Variants in NPR1 observed in about 807,000 individuals in gnomAD.
NPR1 encodes the protein natriuretic peptide receptor 1.
NPR1 carries 57 observed loss-of-function variants against 116.9 expected under a neutral mutation model. The ratio of observed to expected loss-of-function variants is 0.49; its 90% CI spans 0.39 to 0.61. NPR1 has a LOEUF of 0.61. Among genes scored for constraint, NPR1 ranks in the 20% least tolerant of loss-of-function variants. The pLI is 0.00. For missense variants in NPR1, 1,096 were observed against 1,409.8 expected (o/e 0.78, Z 3.56); for synonymous variants, 555 against 601.6 (o/e 0.92, Z 1.13).
intron 20 of NPR1, among the ~76,000 whole-genome samples, chr1:153,692,100 G>A (rs1670124496): frequency 6.6e-6 from 1 of 152,006 alleles, no homozygotes; most frequent in African/African-American, 2.4e-5. Flanking sequence ...CACAAAATGA[G>A]GGTATAGCAT....
chr1:153,689,139 C>A lies in NPR1; in HGVS notation c.2564+40C>A. On this transcript the variant is annotated intron_variant, in intron 16 of 21. Transcript: ENST00000368680. This position sits in a 1 kb window ranked among gnomAD's most constrained non-coding sequence, Gnocchi z 5.1. The stretch of plus-strand genomic sequence containing the variant: ...CTGGGGACCCCCCCCAACACAAAGC[C>A]CCTGTCCCGACCCCCAACTCTGATC... 1 of 1,614,168 alleles carries A rather than the reference C, an allele frequency of 6.2e-7. No homozygotes were observed.
At chr1:153,684,041 G>A (rs2101732108) in intron 7 of NPR1, among the ~76,000 whole-genome samples, 2 of 152,282 alleles carry the variant, frequency 1.3e-5, no homozygotes, top group South Asian at 4.1e-4. Flanking sequence ...AATGGCCAAG[G>A]AGAGTCAGAA....
At position 153,685,492 on chromosome 1, in the gene NPR1, C is replaced by T. The variant is rs549832146; in HGVS notation, c.1606-314C>T. On this transcript the variant is annotated intron_variant, in intron 8 of 21. Coordinates refer to ENST00000368680, the MANE Select transcript of NPR1 (RefSeq NM_000906.4). Reference sequence around the variant, plus strand: ...CAGCCTGGGCAACAGAGCAAGACATCGTCTCTACAAAGAATACAAAGATTA... The same window carrying T: ...CAGCCTGGGCAACAGAGCAAGACATTGTCTCTACAAAGAATACAAAGATTA... Among the ~76,000 whole-genome samples the T allele has an allele frequency of 6.6e-5, 10 of 152,062 alleles. 1 individual carries two copies. The East Asian group carries it at 1.9e-3, about 29-fold the overall frequency.
rs1440853892 is a variant in NPR1 at position 153,687,219 on chromosome 1, A to G, written c.1955A>G (p.Asn652Ser). The change falls in exon 13 of 22, where the codon AAT (asparagine) becomes AGT (serine). Residue 652 changes from asparagine to serine, a missense_variant. Physicochemically the swap from Asn to Ser is conservative, Grantham distance 46 (BLOSUM62 1). Transcript: ENST00000368680. ...TTCCAGGGCATGCTGTTTCTACACA[A>G]TGGGGCTATCTGTTCCCATGGGAAC... ...DIVKGMLFLH[N>S]GAICSHGNLK... 6.2e-7 allele frequency: 1 copy of G among 1,613,996 alleles called. No homozygotes were observed. Among genetic ancestry groups the G allele is most frequent in the Non-Finnish European group, 8.5e-7 (1 of 1,179,992 alleles).
chr1:153,684,472 A>G (rs1052120722), intron 7 of NPR1, among the ~76,000 whole-genome samples: 1 of 143,874 alleles, frequency 7.0e-6, no homozygotes, highest in African/African-American at 2.6e-5. Context: ...GCTCACTGCA[A>G]CCTCCGCCTC....
intron 1 of NPR1, 76 bp from the exon 2 acceptor site, chr1:153,680,425 G>C: frequency 7.2e-7 from 1 of 1,385,748 alleles, no homozygotes; most frequent in Non-Finnish European, 1.0e-6. Flanking sequence ...TTCCTCCCTT[G>C]GGTGCCCCAG....
Position 153,689,192 on chromosome 1 carries a change from G to A in NPR1, c.2569G>A (p.Val857Met). 1 of 1,614,200 alleles carries A rather than the reference G, an allele frequency of 6.2e-7. No homozygotes were observed. Among genetic ancestry groups the A allele is most frequent in the Non-Finnish European group, 8.5e-7 (1 of 1,180,032 alleles). The change falls in exon 17 of 22, where the codon GTG becomes ATG. Residue 857 changes from valine (V) to methionine (M), a missense_variant. Coordinates refer to ENST00000368680, the MANE Select transcript of NPR1 (RefSeq NM_000906.4). This position sits in a 1 kb window ranked among gnomAD's most constrained non-coding sequence, Gnocchi z 5.1. Reference sequence around the variant, plus strand: ...GCACCTGCCCTGACCCCTTAGCTCAGTGGCTGAGCAGCTGAAGCGTGGGGA... The same window carrying A: ...GCACCTGCCCTGACCCCTTAGCTCAATGGCTGAGCAGCTGAAGCGTGGGGA... The part of the protein sequence containing the change: ...ALLYQILPHS[V>M]AEQLKRGETV...
intron 20 of NPR1, among the ~76,000 whole-genome samples, chr1:153,690,942 CAAAAAAAAAAAAA>C (rs57820357): frequency 2.9e-4 from 15 of 51,318 alleles, no homozygotes; most frequent in Non-Finnish European, 4.3e-4. Context: ...AACTCTGTCT[CAAAAAAAAAAAAA>C]AAAAAAAAAA....
In NPR1 at chr1:153,689,802, A is replaced by C; in HGVS notation, c.2758-4A>C. On this transcript the variant is annotated splice_region_variant and splice_polypyrimidine_tract_variant and intron_variant, in intron 18 of 21. Coordinates refer to ENST00000368680, the MANE Select transcript of NPR1 (RefSeq NM_000906.4). The surrounding 1 kb of genome is among the most constrained non-coding windows in gnomAD (Gnocchi z 5.1). ...AGTCCTGCACCCCCTCGCCACTCCC[A>C]CAGGTGGAGACAATTGGCGATGCCT... The C allele has an allele frequency of 6.5e-7, 1 of 1,546,018 alleles. No homozygotes were observed. Among genetic ancestry groups the C allele is most frequent in the Admixed American group, 1.9e-5 (1 of 52,854 alleles).
rs144129502 is a variant in NPR1 at position 153,680,126 on chromosome 1, T to C, written c.721+297T>C. Among the ~76,000 whole-genome samples, 1,152 of 150,424 alleles carry C rather than the reference T, an allele frequency of 7.7e-3. 19 individuals are homozygous for C. The highest frequency in any genetic ancestry group is 0.027 in the African/African-American group (1,090 of 40,950). Reference sequence around the variant, plus strand: ...CCTCCCACATTTTCTCTCTTCCCTATAGCCTTCTCCCTTCTTTCATCCTCT... The same window carrying C: ...CCTCCCACATTTTCTCTCTTCCCTACAGCCTTCTCCCTTCTTTCATCCTCT... On this transcript the variant is annotated intron_variant, in intron 1 of 21. Coordinates refer to ENST00000368680, the MANE Select transcript of NPR1 (RefSeq NM_000906.4).
chr1:153,691,812 T>A (rs1320616505), intron 20 of NPR1, among the ~76,000 whole-genome samples: 1 of 149,940 alleles, frequency 6.7e-6, no homozygotes, highest in East Asian at 2.0e-4. Flanking sequence ...GACATGAAAA[T>A]CACTTGAACC....
intron 20 of NPR1, among the ~76,000 whole-genome samples, chr1:153,691,424 G>A (rs1466666747): frequency 6.6e-6 from 1 of 152,198 alleles, no homozygotes; most frequent in Non-Finnish European, 1.5e-5. Flanking sequence ...CAGATCCAGA[G>A]TTAGCTGAGA....
intron 2 of NPR1, 192 bp downstream of exon 2, chr1:153,680,892 G>A: frequency 3.2e-6 from 2 of 629,314 alleles, no homozygotes; most frequent in Non-Finnish European, 5.5e-6. Context: ...ATGAAGGGCA[G>A]GGGACTGCCC....
rs770869243 is a variant in NPR1, at chr1:153,688,148, C to T, written c.2344C>T (p.Arg782Trp). 5.1e-5 allele frequency: 83 copies of T among 1,613,762 alleles called. No homozygotes were observed. Among genetic ancestry groups the T allele is most frequent in the Non-Finnish European group, 6.4e-5 (76 of 1,179,866 alleles). Residue 782 changes from arginine to tryptophan, a missense_variant, in exon 15 of 22, where the codon CGG becomes TGG. Arg to Trp is a moderately radical substitution (Grantham distance 101). Coordinates refer to ENST00000368680, the MANE Select transcript of NPR1 (RefSeq NM_000906.4). ...HLEELGLLMQ[R>W]CWAEDPQERP... ...GGAGGAGTTGGGGCTGCTCATGCAG[C>T]GGTGCTGGGCTGAGGACCCACAGGA...
At position 153,689,512 on chromosome 1, in the gene NPR1, T is replaced by C; in HGVS notation, c.2748T>C (p.Asp916=). ...TCFDAVIDNF[D]VYKVETIGDA... is the part of the protein sequence containing the mutation. ...TTGATGCTGTCATAGACAACTTTGA[T>C]GTGTACAAGGTGAGGGTGGGAGTGG... Residue 916 remains aspartate, a synonymous_variant, in exon 18 of 22, where the codon GAT becomes GAC. Coordinates refer to ENST00000368680, the MANE Select transcript of NPR1 (RefSeq NM_000906.4). This position sits in a 1 kb window ranked among gnomAD's most constrained non-coding sequence, Gnocchi z 5.1. 6.2e-7 allele frequency: 1 copy of C among 1,613,876 alleles called. No homozygotes were observed.
rs1480022373 is a variant in NPR1, at chr1:153,679,943, G to A, written c.721+114G>A. On this transcript the variant is annotated intron_variant, in intron 1 of 21. Coordinates refer to ENST00000368680, the MANE Select transcript of NPR1 (RefSeq NM_000906.4). This position sits in a 1 kb window ranked among gnomAD's most constrained non-coding sequence, Gnocchi z 4.2. ...GGGGGCACTCTTCTTTCTCCTCGCC[G>A]TTCTTCATTCTACTTTCAGCTCCCT... 1.4e-6 allele frequency: 2 copies of A among 1,379,466 alleles called. No individual in the cohort carries two copies. Among genetic ancestry groups the A allele is most frequent in the Non-Finnish European group, 1.9e-6 (2 of 1,034,560 alleles). 85.5% of individuals were successfully genotyped at this position (1,379,466 alleles called of 1,614,324 possible). A position where few individuals can be genotyped will look rare whatever the true frequency, so the allele number is the denominator to read the frequency against.
At chr1:153,688,679 C>T in intron 15 of NPR1, 1 of 509,638 alleles carries the variant, frequency 2.0e-6, no homozygotes, top group Non-Finnish European at 3.5e-6. Flanking sequence ...TCATTCTCCA[C>T]CTCCTTTACC....
chr1:153,691,936 A>G (rs1449947804), intron 20 of NPR1, among the ~76,000 whole-genome samples: 1 of 151,994 alleles, frequency 6.6e-6, no homozygotes, highest in Non-Finnish European at 1.5e-5. Flanking sequence ...AAACTGTTAA[A>G]CACAACAAGG....
rs149818779 is a variant in NPR1, at chr1:153,693,137, G to A, written c.3063G>A (p.Lys1021=). The change falls in exon 21 of 22, where the codon AAG becomes AAA. Residue 1021 remains lysine, a synonymous_variant. Coordinates refer to ENST00000368680, the MANE Select transcript of NPR1 (RefSeq NM_000906.4). ...ALKIHLSSET[K]AVLEEFGGFE... ...AGATCCACTTGTCTTCTGAGACCAA[G>A]GCTGTCCTGGAGGAGTTTGGTGGTT... 4.8e-5 allele frequency: 77 copies of A among 1,613,966 alleles called. No individual in the cohort carries two copies. The Admixed American group carries it at 1.3e-3, about 26-fold the overall frequency.
Sources: gnomAD v4.1 joint callset for allele counts (sites outside exome capture counted in the v4.1 genomes callset) on GRCh38, gnomAD v4.1.1 for gene constraint, Gnocchi (gnomAD v3.1) non-coding constraint, MANE v1.5 for transcripts, NCBI Gene and HGNC (gene_info 2026-07-23, HGNC 2026-07-21) for gene names.